PDE1C: variants seen among roughly 807,000 people sequenced by gnomAD.
The protein encoded by PDE1C is dual specificity calcium/calmodulin-dependent 3',5'-cyclic nucleotide phosphodiesterase 1C.
PDE1C carries 62 observed loss-of-function variants against 93.1 expected under a neutral mutation model. The ratio of observed to expected loss-of-function variants is 0.67; its 90% CI spans 0.54 to 0.82. The LOEUF (loss-of-function observed/expected upper bound fraction) is 0.82, where lower values mean the gene tolerates loss of function less well. Ranked by LOEUF, PDE1C falls within the 40% of genes least tolerant of loss-of-function variation. The pLI, the probability that PDE1C is intolerant of heterozygous loss-of-function variation, is 0.00. For synonymous variants in PDE1C, 325 were observed against 310.1 expected (o/e 1.05, Z -0.50); for missense variants, 742 against 884.6 (o/e 0.84, Z 2.04).
intron 2 of PDE1C, among the ~76,000 whole-genome samples, chr7:32,208,089 G>T (rs1270124634): frequency 6.6e-6 from 1 of 152,342 alleles, no homozygotes; most frequent in East Asian, 1.9e-4. Context: ...TGGGGCTCAT[G>T]AGAAGCGAGT....
At chr7:32,029,782 G>T (rs1229010612) in intron 2 of PDE1C, among the ~76,000 whole-genome samples, 1 of 152,078 alleles carries the variant, frequency 6.6e-6, no homozygotes, top group Non-Finnish European at 1.5e-5. Context: ...TTGATTACAT[G>T]CACCAATACA....
chr7:32,241,115 G>C lies in PDE1C; in HGVS notation c.86-31576C>G, dbSNP rs529736732. On this transcript the variant is annotated intron_variant, in intron 1 of 18. Transcript: ENST00000396193. ...TTTGGTTTATCTATGTTCTGTCTGA[G>C]AGTCCTATTAGAATTCCAAATGGTG... 2.2e-4 allele frequency among the ~76,000 whole-genome samples: 33 copies of C among 152,326 alleles called. 1 individual carries two copies. In the South Asian group the frequency reaches 6.6e-3, roughly 31 times the overall value.
chr7:31,964,473 T>A (rs1584225816), intron 2 of PDE1C, among the ~76,000 whole-genome samples: 1 of 152,188 alleles, frequency 6.6e-6, no homozygotes, highest in African/African-American at 2.4e-5. Context: ...TCAAACTGGG[T>A]GGAGACCACC....
chr7:32,412,006 G>A (rs2128098031), intron 1 of PDE1C, among the ~76,000 whole-genome samples: 1 of 152,114 alleles, frequency 6.6e-6, no homozygotes, highest in Admixed American at 6.5e-5. Context: ...GTCCTACCAG[G>A]TTTTCAGAGA....
At chr7:32,312,997 C>T (rs575079302) in intron 1 of PDE1C, among the ~76,000 whole-genome samples, 3 of 152,192 alleles carry the variant, frequency 2.0e-5, no homozygotes, top group Non-Finnish European at 2.9e-5. Context: ...TTTTCCCAAC[C>T]TACTCATCTG....
intron 7 of PDE1C, among the ~76,000 whole-genome samples, chr7:31,859,743 G>A (rs1794454334): frequency 6.6e-6 from 1 of 151,990 alleles, no homozygotes; most frequent in African/African-American, 2.4e-5. Flanking sequence ...CATTACTTCA[G>A]GATGAGAATC....
chr7:32,414,914 T>A (rs1281575360), intron 1 of PDE1C, among the ~76,000 whole-genome samples: 1 of 152,086 alleles, frequency 6.6e-6, no homozygotes, highest in Admixed American at 6.6e-5. Context: ...AGTTAATGTA[T>A]TTTATGCAAC....
the PDE1C span, among the ~76,000 whole-genome samples, chr7:31,697,840 TAATA>T: frequency 1.3e-5 from 2 of 152,210 alleles, no homozygotes; most frequent in African/African-American, 4.8e-5. Flanking sequence ...CTGACTAATA[TAATA>T]GAGAGGCTAT....
chr7:32,119,165 C>T (rs1215122716), intron 3 of PDE1C, among the ~76,000 whole-genome samples: 1 of 152,170 alleles, frequency 6.6e-6, no homozygotes, highest in Non-Finnish European at 1.5e-5. Flanking sequence ...TCTATTTATG[C>T]TCAAATTCCA....
chr7:32,154,186 G>A (rs1303839935), intron 3 of PDE1C, among the ~76,000 whole-genome samples: 1 of 152,186 alleles, frequency 6.6e-6, no homozygotes, highest in African/African-American at 2.4e-5. Context: ...CTGAGCCTGG[G>A]AGGTTGAGGC....
At chr7:31,676,460 C>A in the PDE1C span, among the ~76,000 whole-genome samples, 1 of 151,542 alleles carries the variant, frequency 6.6e-6, no homozygotes, top group African/African-American at 2.4e-5. Flanking sequence ...AGCTCCTAGG[C>A]CAAAAGGGAA....
At chr7:32,139,905 C>A (rs1316029909) in intron 3 of PDE1C, among the ~76,000 whole-genome samples, 1 of 91,024 alleles carries the variant, frequency 1.1e-5, no homozygotes, top group African/African-American at 4.3e-5. Flanking sequence ...GTGAGGAGAG[C>A]TGGTCTAAGG....
At chr7:31,842,631 A>T (rs537095483) in intron 9 of PDE1C, among the ~76,000 whole-genome samples, 1 of 152,202 alleles carries the variant, frequency 6.6e-6, no homozygotes, top group East Asian at 1.9e-4. Flanking sequence ...TACTGTTGGT[A>T]CTTTGTGTTC....
chr7:32,320,684 T>C (rs972579530), intron 1 of PDE1C, among the ~76,000 whole-genome samples: 3 of 152,210 alleles, frequency 2.0e-5, no homozygotes, highest in Admixed American at 6.5e-5. Context: ...CACATATGTG[T>C]TAATTTTCAT....
At chr7:31,987,104 T>G (rs1385088607) in intron 2 of PDE1C, among the ~76,000 whole-genome samples, 1 of 152,184 alleles carries the variant, frequency 6.6e-6, no homozygotes, top group East Asian at 1.9e-4. Context: ...GAAGAAAACA[T>G]GTTTGCATGG....
At chr7:32,332,126 T>C (rs961302675) in intron 1 of PDE1C, among the ~76,000 whole-genome samples, 1 of 152,186 alleles carries the variant, frequency 6.6e-6, no homozygotes, top group Admixed American at 6.5e-5. Context: ...CACTGCATTT[T>C]CTATATATTG....
At chr7:31,848,848 TG>T (rs1400286434) in intron 8 of PDE1C, among the ~76,000 whole-genome samples, 2 of 152,212 alleles carry the variant, frequency 1.3e-5, no homozygotes, top group Non-Finnish European at 2.9e-5. Flanking sequence ...GTTGGGCCAG[TG>T]CTTCCCCAAG....
chr7:31,884,193 C>T (rs1186785005), intron 2 of PDE1C, among the ~76,000 whole-genome samples: 1 of 151,414 alleles, frequency 6.6e-6, no homozygotes. Flanking sequence ...TTTCTTTACT[C>T]AAGGATGATG....
At chr7:31,777,504 G>A (rs73319106) in intron 16 of PDE1C, among the ~76,000 whole-genome samples, 6,175 of 151,798 alleles carry the variant, frequency 0.041, 287 homozygotes, top group East Asian at 0.19. Context: ...AATTTTTGTA[G>A]TTTTAGTAGA....
Sources: gnomAD v4.1 joint callset for allele counts (sites outside exome capture counted in the v4.1 genomes callset) on GRCh38, gnomAD v4.1.1 for gene constraint, MANE v1.5 for transcripts, NCBI Gene and HGNC (gene_info 2026-07-23, HGNC 2026-07-21) for gene names.